Variants in TNKS observed in about 807,000 individuals in gnomAD.
TNKS encodes poly [ADP-ribose] polymerase tankyrase-1.
TNKS carries 72 observed loss-of-function variants against 135.8 expected under a neutral mutation model. The ratio of observed to expected loss-of-function variants is 0.53; its 90% CI spans 0.44 to 0.64. The LOEUF (loss-of-function observed/expected upper bound fraction) is 0.64, where lower values mean the gene tolerates loss of function less well. TNKS is among the 30% of genes least tolerant of loss of function. The pLI is 0.00. For missense variants in TNKS, 1,769 were observed against 1,674.0 expected, an observed-to-expected ratio of 1.06 and a Z score of -0.99; for synonymous variants, 849 against 649.3, an observed-to-expected ratio of 1.31 and a Z score of -4.68.
At chr8:9,566,914 A>G (rs568860487) in intron 1 of TNKS, among the ~76,000 whole-genome samples, 2 of 152,058 alleles carry the variant, frequency 1.3e-5, no homozygotes, top group South Asian at 4.2e-4. Context: ...GGCCTAGCCC[A>G]GTCTTTTGTC....
intron 2 of TNKS, among the ~76,000 whole-genome samples, chr8:9,584,378 C>T (rs1798289568): frequency 6.6e-6 from 1 of 152,080 alleles, no homozygotes; most frequent in Non-Finnish European, 1.5e-5. Context: ...TCCAGTCATG[C>T]ACTTCATTTT....
chr8:9,763,007 A>G, intron 21 of TNKS, 140 bp from the exon 22 acceptor site: 1 of 405,894 alleles, frequency 2.5e-6, no homozygotes, highest in Non-Finnish European at 4.3e-6. Context: ...CGAATTTATC[A>G]GGTTCAAATT....
At chr8:9,673,860 G>GT (rs1361606382) in intron 3 of TNKS, among the ~76,000 whole-genome samples, 3 of 152,054 alleles carry the variant, frequency 2.0e-5, no homozygotes, top group Non-Finnish European at 4.4e-5. Context: ...CCATACTTTG[G>GT]TGAGCTTTTT....
intron 5 of TNKS, among the ~76,000 whole-genome samples, chr8:9,690,037 T>G (rs1431279381): frequency 6.6e-6 from 1 of 152,232 alleles, no homozygotes; most frequent in African/African-American, 2.4e-5. Flanking sequence ...TTTCATGAAG[T>G]GTGAAACATC....
At chr8:9,636,281 T>G (rs1309137425) in intron 3 of TNKS, among the ~76,000 whole-genome samples, 1 of 152,212 alleles carries the variant, frequency 6.6e-6, no homozygotes, top group Non-Finnish European at 1.5e-5. Flanking sequence ...AGTAAAATGT[T>G]ATTCAAAGTG....
At chr8:9,634,070 C>T (rs942215573) in intron 3 of TNKS, among the ~76,000 whole-genome samples, 1 of 130,402 alleles carries the variant, frequency 7.7e-6, no homozygotes, top group East Asian at 2.2e-4. Context: ...AAAAAAAACT[C>T]ATTTAACTGC....
intron 2 of TNKS, among the ~76,000 whole-genome samples, chr8:9,603,426 A>G (rs954396132): frequency 1.3e-5 from 2 of 152,238 alleles, no homozygotes; most frequent in Non-Finnish European, 2.9e-5. Flanking sequence ...CAAGAATGCG[A>G]TACTCACATG....
At chr8:9,680,654 A>C (rs531637214) in intron 4 of TNKS, 71 bp from the exon 5 acceptor site, 1 of 1,101,840 alleles carries the variant, frequency 9.1e-7, no homozygotes, top group Non-Finnish European at 1.4e-6. Context: ...CTCTCGTGTG[A>C]AAAAATTATG....
At chr8:9,764,981 TAG>T (rs1807348455) in intron 23 of TNKS, among the ~76,000 whole-genome samples, 191 bp downstream of exon 23, 1 of 152,174 alleles carries the variant, frequency 6.6e-6, no homozygotes, top group Non-Finnish European at 1.5e-5. Flanking sequence ...TCACTAAAAA[TAG>T]AGACATTCTG....
At chr8:9,740,464 C>G (rs778403732) in intron 17 of TNKS, among the ~76,000 whole-genome samples, 4 of 152,148 alleles carry the variant, frequency 2.6e-5, no homozygotes, top group African/African-American at 9.7e-5. Flanking sequence ...ATGAGACTGT[C>G]GTCTCTCAGA....
chr8:9,780,969 G>C lies in TNKS; in HGVS notation c.*4233G>C, dbSNP rs1314691351. ...GATACGACAGCAACTGTGATACCTT[G>C]TAGAATATGAGTGATATGCAAGCTG... On this transcript the variant is annotated 3_prime_UTR_variant, in exon 27 of 27. Transcript: ENST00000310430. 6.6e-6 allele frequency: 1 copy of C among 152,182 alleles called. No homozygotes were observed. 9.4% of individuals were successfully genotyped at this position (152,182 alleles called of 1,614,324 possible).
chr8:9,773,680 A>T (rs925859627), intron 26 of TNKS, among the ~76,000 whole-genome samples: 5 of 152,176 alleles, frequency 3.3e-5, no homozygotes, highest in Admixed American at 6.5e-5. Context: ...AGAGTGTCTC[A>T]TGAAATAATT....
At chr8:9,626,978 T>C (rs1800080918) in intron 3 of TNKS, among the ~76,000 whole-genome samples, 1 of 152,176 alleles carries the variant, frequency 6.6e-6, no homozygotes. Flanking sequence ...GGATGGAGGC[T>C]GGTCATTGGA....
At chr8:9,666,699 C>A (rs1445319723) in intron 3 of TNKS, among the ~76,000 whole-genome samples, 2 of 149,524 alleles carry the variant, frequency 1.3e-5, no homozygotes, top group East Asian at 2.0e-4. Context: ...CCAGCCTGGG[C>A]GACAGAGTGA....
intron 21 of TNKS, among the ~76,000 whole-genome samples, chr8:9,761,878 C>A (rs974823010): frequency 2.0e-5 from 3 of 152,196 alleles, no homozygotes; most frequent in Non-Finnish European, 2.9e-5. Flanking sequence ...GTACTTCTGT[C>A]CTTTCCCATG....
chr8:9,752,599 C>T lies in TNKS; in HGVS notation c.3126C>T (p.His1042=). 6.2e-7 allele frequency: 1 copy of T among 1,612,742 alleles called. No homozygotes were observed. The highest frequency in any genetic ancestry group is 8.5e-7 in the Non-Finnish European group (1 of 1,179,156). ...TTCTAAAAAGCCTTGGCCTTGAACACCTTCGGGATATCTTTGAAACAGAAC... is the reference window on the plus strand; with the variant it reads ...TTCTAAAAAGCCTTGGCCTTGAACATCTTCGGGATATCTTTGAAACAGAAC... ...SQFLKSLGLE[H]LRDIFETEQI... The change falls in exon 20 of 27, where the codon CAC becomes CAT. Residue 1042 remains histidine, a synonymous_variant. Transcript: ENST00000310430.
Position 9,688,454 on chromosome 8 carries a change from A to G in TNKS, c.1107+7654A>G, listed in dbSNP as rs1014534167. Among the ~76,000 whole-genome samples the G allele has an allele frequency of 1.0e-3, 154 of 152,242 alleles. 15 individuals are homozygous for G. The highest frequency in any genetic ancestry group is 1.5e-5 in the Non-Finnish European group (1 of 68,042). On this transcript the variant is annotated intron_variant, in intron 5 of 26. Coordinates refer to ENST00000310430, the MANE Select transcript of TNKS (RefSeq NM_003747.3). ...TTTGGCCACAATATAAAACCAATGT[A>G]AACTATTTCTTAATTCATTGTATAC...
At chr8:9,683,949 CT>C (rs968664544) in intron 5 of TNKS, among the ~76,000 whole-genome samples, 4 of 150,826 alleles carry the variant, frequency 2.7e-5, no homozygotes, top group African/African-American at 7.3e-5. Flanking sequence ...ATTTTATTGG[CT>C]TTTTTTTTCC....
chr8:9,566,655 G>A (rs1797555090), intron 1 of TNKS: 1 of 129,346 alleles, frequency 7.7e-6, no homozygotes, highest in African/African-American at 3.0e-5. Flanking sequence ...AGGCCGGACT[G>A]CGGACTGCAG....
Sources: gnomAD v4.1 joint callset for allele counts (sites outside exome capture counted in the v4.1 genomes callset) on GRCh38, gnomAD v4.1.1 for gene constraint, MANE v1.5 for transcripts, NCBI Gene and HGNC (gene_info 2026-07-23, HGNC 2026-07-21) for gene names.